Variants in ADCY2 observed in about 807,000 individuals in gnomAD.
ADCY2 encodes the protein adenylate cyclase type 2.
In ADCY2, 31 loss-of-function variants were observed where a neutral mutation model predicts 125.2. That is an observed-to-expected ratio of 0.25 (90% CI 0.19 to 0.33). ADCY2 has a LOEUF of 0.33. Among genes scored for constraint, ADCY2 ranks in the 10% least tolerant of loss-of-function variants. The pLI is 1.00. For synonymous variants in ADCY2, 512 were observed against 548.4 expected (o/e 0.93, Z 0.93); for missense variants, 904 against 1,418.2 (o/e 0.64, Z 5.82).
intron 4 of ADCY2, among the ~76,000 whole-genome samples, chr5:7,639,552 T>C (rs886184116): frequency 6.6e-6 from 1 of 152,248 alleles, no homozygotes; most frequent in African/African-American, 2.4e-5. Flanking sequence ...TTAGCAATCT[T>C]TGGACTCCTG....
At chr5:7,511,617 C>T (rs1008043757) in intron 2 of ADCY2, among the ~76,000 whole-genome samples, 4 of 151,762 alleles carry the variant, frequency 2.6e-5, no homozygotes, top group Non-Finnish European at 2.9e-5. Context: ...AGAAAGAAAA[C>T]GAGGGGTTTT....
intron 18 of ADCY2, among the ~76,000 whole-genome samples, chr5:7,774,768 C>A (rs1046087986): frequency 6.6e-6 from 1 of 152,198 alleles, no homozygotes; most frequent in African/African-American, 2.4e-5. Flanking sequence ...TGAGAAGCCT[C>A]GGCGACTTGC....
At chr5:7,768,973 C>G (rs1260232054) in intron 17 of ADCY2, among the ~76,000 whole-genome samples, 3 of 152,152 alleles carry the variant, frequency 2.0e-5, no homozygotes, top group Admixed American at 6.6e-5. Context: ...AGTAGAAAAG[C>G]CATTTTGTGA....
chr5:7,555,092 C>G (rs1735461818), intron 3 of ADCY2, among the ~76,000 whole-genome samples: 1 of 152,158 alleles, frequency 6.6e-6, no homozygotes, highest in Non-Finnish European at 1.5e-5. Flanking sequence ...TCATCAATGT[C>G]CCTTTCTATA....
At chr5:7,638,488 C>T (rs939655044) in intron 4 of ADCY2, among the ~76,000 whole-genome samples, 7 of 152,058 alleles carry the variant, frequency 4.6e-5, no homozygotes, top group Non-Finnish European at 7.3e-5. Flanking sequence ...ATTGGAGGAA[C>T]AAAAGTGCAT....
chr5:7,706,745 A>C lies in ADCY2; in HGVS notation c.1111A>C (p.Lys371Gln). Residue 371 changes from lysine (K) to glutamine (Q), a missense_variant and splice_region_variant, in exon 8 of 25, where the codon AAA becomes CAA. Coordinates refer to ENST00000338316, the MANE Select transcript of ADCY2 (RefSeq NM_020546.3). Reference protein sequence around the residue: ...MGLDMCEAIKKVRDATGVDIN... With the variant: ...MGLDMCEAIKQVRDATGVDIN... ...TGATCTTACTTCCCTTCTCTTTAGG[A>C]AAGTGAGGGATGCTACTGGAGTTGA... 6.2e-7 allele frequency: 1 copy of C among 1,614,092 alleles called. No individual in the cohort carries two copies. The highest frequency in any genetic ancestry group is 8.5e-7 in the Non-Finnish European group (1 of 1,179,958).
chr5:7,485,176 G>A (rs987412394), intron 2 of ADCY2, among the ~76,000 whole-genome samples: 4 of 152,068 alleles, frequency 2.6e-5, no homozygotes, highest in Admixed American at 6.6e-5. Context: ...TTCTCCCTCC[G>A]AAACTTGAAT....
At chr5:7,671,907 G>GC (rs1739949359) in intron 4 of ADCY2, among the ~76,000 whole-genome samples, 2 of 152,180 alleles carry the variant, frequency 1.3e-5, no homozygotes, top group Admixed American at 6.5e-5. Context: ...GGAAAATGAT[G>GC]CCCCGGAAGG....
intron 4 of ADCY2, among the ~76,000 whole-genome samples, chr5:7,629,860 G>T (rs2973333): frequency 0.15 from 22,309 of 152,224 alleles, 2,041 homozygotes; most frequent in East Asian, 0.43. Context: ...AGCAAAATAA[G>T]AACACTGTTT....
At chr5:7,564,935 C>G (rs1735842447) in intron 3 of ADCY2, among the ~76,000 whole-genome samples, 2 of 152,198 alleles carry the variant, frequency 1.3e-5, no homozygotes, top group South Asian at 4.1e-4. Flanking sequence ...GTGGTGAATT[C>G]AAGAACACAC....
At chr5:7,459,772 A>ATTT (rs3033085) in intron 2 of ADCY2, among the ~76,000 whole-genome samples, 1,349 of 72,848 alleles carry the variant, frequency 0.019, 159 homozygotes, top group African/African-American at 0.026. Context: ...TTAAGAGGTA[A>ATTT]TTTTTTTTTT....
intron 2 of ADCY2, among the ~76,000 whole-genome samples, chr5:7,519,799 C>A (rs1156422915): frequency 6.6e-6 from 1 of 152,196 alleles, no homozygotes; most frequent in East Asian, 1.9e-4. Flanking sequence ...TCAGCAGCTA[C>A]TCTCCGTTCC....
intron 3 of ADCY2, among the ~76,000 whole-genome samples, chr5:7,582,999 G>C (rs1456171527): frequency 6.6e-6 from 1 of 151,986 alleles, no homozygotes; most frequent in African/African-American, 2.4e-5. Context: ...AGTGTAGCAA[G>C]GTTGAAGAAT....
chr5:7,624,161 T>C (rs989236909), intron 3 of ADCY2, among the ~76,000 whole-genome samples: 2 of 152,218 alleles, frequency 1.3e-5, no homozygotes, highest in African/African-American at 4.8e-5. Context: ...TTTTAATTTC[T>C]AACTCTGTCC....
chr5:7,686,474 G>A (rs2126719842), intron 4 of ADCY2, among the ~76,000 whole-genome samples: 1 of 152,306 alleles, frequency 6.6e-6, no homozygotes, highest in East Asian at 1.9e-4. Flanking sequence ...CAAATCAAGG[G>A]CAAGTTATTA....
At chr5:7,514,523 A>G (rs939609006) in intron 2 of ADCY2, among the ~76,000 whole-genome samples, 2 of 152,222 alleles carry the variant, frequency 1.3e-5, no homozygotes, top group East Asian at 1.9e-4. Flanking sequence ...TGCTTACAGC[A>G]TAAACCTGAT....
At chr5:7,575,509 A>G (rs955874901) in intron 3 of ADCY2, among the ~76,000 whole-genome samples, 5 of 152,100 alleles carry the variant, frequency 3.3e-5, no homozygotes, top group Non-Finnish European at 7.4e-5. Context: ...TCATTGGTTC[A>G]TTTTTTATTG....
chr5:7,531,180 A>G (rs933303891), intron 3 of ADCY2, among the ~76,000 whole-genome samples: 5 of 152,168 alleles, frequency 3.3e-5, no homozygotes, highest in African/African-American at 1.2e-4. Context: ...GAGTAGGCAT[A>G]TAGAGAGCTG....
At chr5:7,412,289 T>C (rs1393820501) in intron 1 of ADCY2, among the ~76,000 whole-genome samples, 4 of 152,206 alleles carry the variant, frequency 2.6e-5, no homozygotes, top group African/African-American at 4.8e-5. Context: ...GCTGGGATAA[T>C]GAAATGACTG....
Sources: gnomAD v4.1 joint callset for allele counts (sites outside exome capture counted in the v4.1 genomes callset) on GRCh38, gnomAD v4.1.1 for gene constraint, MANE v1.5 for transcripts, NCBI Gene and HGNC (gene_info 2026-07-23, HGNC 2026-07-21) for gene names.